KLF12: variants seen among roughly 807,000 people sequenced by gnomAD.
The protein encoded by KLF12 is Krueppel-like factor 12.
KLF12 carries 9 observed loss-of-function variants against 37.8 expected under a neutral mutation model. The ratio of observed to expected loss-of-function variants is 0.24; its 90% CI spans 0.14 to 0.42. KLF12 has a LOEUF of 0.42. KLF12 is among the 10% of genes least tolerant of loss of function. KLF12 has a pLI of 1.00. For missense variants in KLF12, 411 were observed against 516.0 expected (o/e 0.80, Z 1.97); for synonymous variants, 208 against 202.1 (o/e 1.03, Z -0.25).
chr13:73,713,033 G>A (rs1404713039), intron 7 of KLF12, among the ~76,000 whole-genome samples: 1 of 152,168 alleles, frequency 6.6e-6, no homozygotes, highest in Non-Finnish European at 1.5e-5. Flanking sequence ...TCCATTCACA[G>A]GATATGTTCC....
At chr13:74,199,114 G>A in the KLF12 span, among the ~76,000 whole-genome samples, 1 of 152,188 alleles carries the variant, frequency 6.6e-6, no homozygotes, top group Non-Finnish European at 1.5e-5. Flanking sequence ...CTGGCAGTTA[G>A]GATATTCCTG....
chr13:73,845,731 A>G, intron 4 of KLF12, 96 bp downstream of exon 4: 2 of 1,100,894 alleles, frequency 1.8e-6, no homozygotes, highest in Non-Finnish European at 2.6e-6. Context: ...GAACTTCTTT[A>G]GATGTAGTGT....
At chr13:74,268,215 A>C in the KLF12 span, among the ~76,000 whole-genome samples, 2 of 152,162 alleles carry the variant, frequency 1.3e-5, no homozygotes, top group Non-Finnish European at 2.9e-5. Flanking sequence ...CAATTTTTCC[A>C]GTAGAATTAT....
rs148916899 is a variant in KLF12 at position 74,014,361 on chromosome 13, A to G, written c.-31-19308T>C. Among the ~76,000 whole-genome samples, 365 of 152,356 alleles carry G rather than the reference A, an allele frequency of 2.4e-3. 1 individual carries two copies. The highest frequency in any genetic ancestry group is 8.6e-3 in the African/African-American group (357 of 41,578). ...GTTTACTGGTAACGAATAAAACATT[A>G]AAACAGCCATTTAGAATATAAAGCA... On this transcript the variant is annotated intron_variant, in intron 1 of 7. Transcript: ENST00000377669.
intron 6 of KLF12, among the ~76,000 whole-genome samples, chr13:73,716,060 C>G (rs1216676499): frequency 6.6e-6 from 1 of 152,130 alleles, no homozygotes; most frequent in South Asian, 2.1e-4. Context: ...TCATGACAAG[C>G]TATTTCTGTT....
Position 74,000,128 on chromosome 13 carries a change from G to A in KLF12, c.-31-5075C>T, listed in dbSNP as rs1005800514. ...TATACCAGAATGTCTGGTATATAAC[G>A]GGTATTCAAGAAATGTCACTCCTAT... On this transcript the variant is annotated intron_variant, in intron 1 of 7. Transcript: ENST00000377669. Among the ~76,000 whole-genome samples, 5 of 152,056 alleles carry A rather than the reference G, an allele frequency of 3.3e-5. No individual in the cohort carries two copies. In the South Asian group the frequency reaches 6.2e-4, roughly 19 times the overall value.
chr13:73,768,234 G>T (rs888129899), intron 5 of KLF12, among the ~76,000 whole-genome samples: 4 of 152,264 alleles, frequency 2.6e-5, no homozygotes, highest in African/African-American at 7.2e-5. Context: ...ACCTAGGGCT[G>T]CGAGGTTTAA....
chr13:74,161,886 G>A, the KLF12 span, among the ~76,000 whole-genome samples: 468 of 152,310 alleles, frequency 3.1e-3, 13 homozygotes, highest in Admixed American at 0.029. Context: ...GGAATCATAT[G>A]AAATGCTCAA....
At chr13:73,976,982 A>G (rs7139543) in intron 2 of KLF12, among the ~76,000 whole-genome samples, 4,402 of 152,242 alleles carry the variant, frequency 0.029, 208 homozygotes, top group African/African-American at 0.099. Flanking sequence ...AGAAATTTTA[A>G]GAAAAGTAAG....
chr13:74,090,932 A>G (rs1042660300), intron 1 of KLF12, among the ~76,000 whole-genome samples: 5 of 93,316 alleles, frequency 5.4e-5, no homozygotes, highest in African/African-American at 9.8e-5. Context: ...AACTACCTTG[A>G]AAAAAAAAAA....
chr13:74,254,096 T>A, the KLF12 span, among the ~76,000 whole-genome samples: 1 of 152,228 alleles, frequency 6.6e-6, no homozygotes, highest in Admixed American at 6.5e-5. Context: ...TAACCCTTCA[T>A]GCATAATTAT....
chr13:73,840,246 C>G (rs1884667440), intron 4 of KLF12, among the ~76,000 whole-genome samples: 1 of 152,194 alleles, frequency 6.6e-6, no homozygotes, highest in Non-Finnish European at 1.5e-5. Flanking sequence ...TCCTCATGAA[C>G]AGATGAGTTT....
intron 1 of KLF12, among the ~76,000 whole-genome samples, chr13:74,005,908 ATAC>A: frequency 6.6e-6 from 1 of 152,188 alleles, no homozygotes; most frequent in Non-Finnish European, 1.5e-5. Context: ...TTTATACTAC[ATAC>A]TACTACTTCA....
At position 73,686,262 on chromosome 13, in the gene KLF12, A is replaced by T. The variant is rs186918780; in HGVS notation, c.*9228T>A. The T allele has an allele frequency of 6.6e-6, 1 of 152,038 alleles. No individual in the cohort carries two copies. Among genetic ancestry groups the T allele is most frequent in the African/African-American group, 2.4e-5 (1 of 41,526 alleles). 9.4% of individuals were successfully genotyped at this position (152,038 alleles called of 1,614,324 possible). On this transcript the variant is annotated 3_prime_UTR_variant, in exon 8 of 8. Coordinates refer to ENST00000377669, the MANE Select transcript of KLF12 (RefSeq NM_007249.5). ...ATATGTCTGAGACACCATTAAAAAC[A>T]ATAACACTTGTTCATTTAAATCTCT...
chr13:74,082,785 G>A (rs545133891), intron 1 of KLF12, among the ~76,000 whole-genome samples: 4 of 152,206 alleles, frequency 2.6e-5, no homozygotes, highest in African/African-American at 9.6e-5. Context: ...TCAAAAGAAA[G>A]AAAGGATTTT....
At chr13:74,051,331 TACACACACAAACACAC>T (rs1321384321) in intron 1 of KLF12, among the ~76,000 whole-genome samples, 116 of 90,392 alleles carry the variant, frequency 1.3e-3, no homozygotes, top group African/African-American at 4.5e-3. Context: ...TGTGTATACA[TACACACACAAACACAC>T]ACACACACAC....
chr13:74,061,725 A>G (rs1449784144), intron 1 of KLF12, among the ~76,000 whole-genome samples: 1 of 152,188 alleles, frequency 6.6e-6, no homozygotes, highest in Non-Finnish European at 1.5e-5. Context: ...TCTCTGAGCA[A>G]AAGTCTTTAA....
intron 2 of KLF12, among the ~76,000 whole-genome samples, chr13:73,955,489 GA>G (rs1388099480): frequency 6.6e-6 from 1 of 152,084 alleles, no homozygotes; most frequent in Non-Finnish European, 1.5e-5. Context: ...AAACTGTGAC[GA>G]TGTACACACC....
the KLF12 span, among the ~76,000 whole-genome samples, chr13:74,267,331 A>G: frequency 0.032 from 4,927 of 152,350 alleles, 119 homozygotes; most frequent in Middle Eastern, 0.071. Context: ...AATAGCCAAG[A>G]TGTGGAAGCA....
Sources: gnomAD v4.1 joint callset for allele counts (sites outside exome capture counted in the v4.1 genomes callset) on GRCh38, gnomAD v4.1.1 for gene constraint, MANE v1.5 for transcripts, NCBI Gene and HGNC (gene_info 2026-07-23, HGNC 2026-07-21) for gene names.